The following SGCZ variants were observed in gnomAD, a reference collection of about 807,000 sequenced individuals.
The protein encoded by SGCZ is zeta-sarcoglycan.
A neutral mutation model predicts 41.3 loss-of-function variants in SGCZ; 40 were observed. That is an observed-to-expected ratio of 0.97 (90% CI 0.75 to 1.26). The LOEUF (loss-of-function observed/expected upper bound fraction) is 1.26, where lower values mean the gene tolerates loss of function less well. SGCZ is among the 50% of genes most tolerant of loss of function. SGCZ has a pLI of 0.00. For synonymous variants in SGCZ, 206 were observed against 137.5 expected (o/e 1.50, Z -3.49); for missense variants, 552 against 369.8 (o/e 1.49, Z -4.04).
intron 2 of SGCZ, among the ~76,000 whole-genome samples, chr8:14,435,873 T>C (rs2117351760): frequency 6.6e-6 from 1 of 152,348 alleles, no homozygotes; most frequent in East Asian, 1.9e-4. Flanking sequence ...CTTCAGTTTA[T>C]TGTTATAAAT....
chr8:14,760,521 G>A (rs909056606), intron 1 of SGCZ, among the ~76,000 whole-genome samples: 2 of 152,102 alleles, frequency 1.3e-5, no homozygotes, highest in African/African-American at 2.4e-5. Flanking sequence ...AACAAAAAAT[G>A]TATGCATGTA....
rs533633318 is a variant in SGCZ at position 14,330,074 on chromosome 8, G to C, written c.235-5870C>G. On this transcript the variant is annotated intron_variant, in intron 2 of 7. Coordinates refer to ENST00000382080, the MANE Select transcript of SGCZ (RefSeq NM_139167.4). ...AAAGAAGGCCATGATTAATATCCTA[G>C]TCAGAAATAACATTGTTTTCTACTT... Among the ~76,000 whole-genome samples, 21 of 152,124 alleles carry C rather than the reference G, an allele frequency of 1.4e-4. No homozygotes were observed. The South Asian group carries it at 4.1e-3, about 30-fold the overall frequency.
intron 1 of SGCZ, among the ~76,000 whole-genome samples, chr8:15,155,700 C>A (rs1325364868): frequency 6.6e-6 from 1 of 152,092 alleles, no homozygotes; most frequent in East Asian, 1.9e-4. Flanking sequence ...TAATTGATCA[C>A]CATGCAAAAT....
chr8:14,428,721 C>CT (rs1799860655), intron 2 of SGCZ, among the ~76,000 whole-genome samples: 1 of 152,210 alleles, frequency 6.6e-6, no homozygotes, highest in Admixed American at 6.5e-5. Context: ...TGGTCATGTT[C>CT]TTTAAGAAGG....
Position 14,102,500 on chromosome 8 carries a change from C to A in SGCZ, c.621-1G>T. 7.2e-7 allele frequency: 1 copy of A among 1,389,800 alleles called. No individual in the cohort carries two copies. The highest frequency in any genetic ancestry group is 1.5e-5 in the African/African-American group (1 of 67,176). The allele number at this position is 1,389,800 out of a possible 1,614,324, so 86.1% of individuals were successfully genotyped here. A position where few individuals can be genotyped will look rare whatever the true frequency, so the allele number is the denominator to read the frequency against. On this transcript the variant is annotated splice_acceptor_variant, in intron 6 of 7. Coordinates refer to ENST00000382080, the MANE Select transcript of SGCZ (RefSeq NM_139167.4). LOFTEE classifies it high-confidence loss of function. ...CAAGGATCTGGTGGGTGATTCAAGCCTAAGGGAAAAACAAAAAATCATTAA... is the reference window on the plus strand; with the variant it reads ...CAAGGATCTGGTGGGTGATTCAAGCATAAGGGAAAAACAAAAAATCATTAA...
intron 2 of SGCZ, among the ~76,000 whole-genome samples, chr8:14,420,705 C>A (rs936473630): frequency 4.6e-5 from 7 of 152,002 alleles, no homozygotes; most frequent in Non-Finnish European, 7.4e-5. Flanking sequence ...GACGAGCCCA[C>A]CAGACAGTAA....
chr8:15,164,824 TGCGGGTATG>T (rs1430310632), intron 1 of SGCZ, among the ~76,000 whole-genome samples: 1 of 152,136 alleles, frequency 6.6e-6, no homozygotes, highest in African/African-American at 2.4e-5. Flanking sequence ...TTTTACATCT[TGCGGGTATG>T]GCTGTAACCC....
chr8:14,938,014 T>C (rs1051268554), intron 1 of SGCZ, among the ~76,000 whole-genome samples: 10 of 152,182 alleles, frequency 6.6e-5, no homozygotes, highest in Admixed American at 2.0e-4. Context: ...AATAACTTTA[T>C]GAACATTCAA....
intron 1 of SGCZ, among the ~76,000 whole-genome samples, chr8:15,066,294 G>A (rs958759370): frequency 7.3e-6 from 1 of 137,008 alleles, no homozygotes; most frequent in Non-Finnish European, 1.5e-5. Context: ...CGGCCTGGGC[G>A]ACAGAGCGAG....
intron 1 of SGCZ, among the ~76,000 whole-genome samples, chr8:15,069,332 C>A (rs73665377): frequency 1.3e-3 from 202 of 152,172 alleles, no homozygotes; most frequent in African/African-American, 4.2e-3. Context: ...CCAGGCCTAC[C>A]CACAATGCAA....
At chr8:14,998,036 T>C (rs1043483896) in intron 1 of SGCZ, among the ~76,000 whole-genome samples, 1 of 152,134 alleles carries the variant, frequency 6.6e-6, no homozygotes, top group Non-Finnish European at 1.5e-5. Context: ...CCAGTGGTGT[T>C]CCTCCCTTTT....
At chr8:15,082,111 C>T (rs562877027) in intron 1 of SGCZ, among the ~76,000 whole-genome samples, 1 of 151,980 alleles carries the variant, frequency 6.6e-6, no homozygotes, top group Non-Finnish European at 1.5e-5. Flanking sequence ...CACCTGTAAT[C>T]TCAGCTACTG....
At chr8:14,783,433 CAA>C (rs879664630) in intron 1 of SGCZ, among the ~76,000 whole-genome samples, 2 of 84,596 alleles carry the variant, frequency 2.4e-5, no homozygotes, top group Admixed American at 1.3e-4. Flanking sequence ...GATTTTGTCT[CAA>C]AAAAAAAAAA....
intron 1 of SGCZ, among the ~76,000 whole-genome samples, chr8:14,590,341 T>C (rs1197843618): frequency 1.3e-5 from 2 of 151,992 alleles, no homozygotes; most frequent in Non-Finnish European, 2.9e-5. Context: ...CAATTGTTAA[T>C]ATTTTGGAAA....
intron 1 of SGCZ, among the ~76,000 whole-genome samples, chr8:14,784,345 ACTGGCCC>A (rs932623326): frequency 6.6e-6 from 1 of 151,928 alleles, no homozygotes; most frequent in Non-Finnish European, 1.5e-5. Flanking sequence ...AGCCACCATG[ACTGGCCC>A]CTTTTCAATT....
intron 1 of SGCZ, among the ~76,000 whole-genome samples, chr8:14,659,002 C>CTGT (rs1027211974): frequency 4.6e-5 from 7 of 152,050 alleles, no homozygotes; most frequent in Non-Finnish European, 1.0e-4. Flanking sequence ...CTTAAAGTTA[C>CTGT]TGTTAAGTAC....
chr8:14,639,316 T>C (rs1806941984), intron 1 of SGCZ, among the ~76,000 whole-genome samples: 2 of 151,636 alleles, frequency 1.3e-5, no homozygotes, highest in South Asian at 2.1e-4. Context: ...CTGAGAGCCA[T>C]TTGAGTGCTG....
chr8:15,075,567 T>A (rs1476105055), intron 1 of SGCZ, among the ~76,000 whole-genome samples: 1 of 152,182 alleles, frequency 6.6e-6, no homozygotes, highest in Non-Finnish European at 1.5e-5. Flanking sequence ...TTGAGTAATG[T>A]GACCAAAGGC....
At chr8:14,489,867 C>CT (rs67472735) in intron 2 of SGCZ, among the ~76,000 whole-genome samples, 94 of 137,666 alleles carry the variant, frequency 6.8e-4, no homozygotes, top group East Asian at 1.9e-3. Flanking sequence ...ATTCTCCTAC[C>CT]TTTTTTTTTT....
Sources: allele counts gnomAD v4.1 joint callset (sites outside exome capture counted in the v4.1 genomes callset), GRCh38; gene constraint gnomAD v4.1.1; transcripts MANE v1.5; gene names NCBI Gene and HGNC (gene_info 2026-07-23, HGNC 2026-07-21).